The following MEIS1 variants were observed in gnomAD, a reference collection of about 807,000 sequenced individuals.
The protein encoded by MEIS1 is Meis homeobox 1, also known as homeobox protein Meis1.
Under a neutral mutation model 50.8 loss-of-function variants are expected in MEIS1, and 5 were observed. The observed-to-expected ratio is 0.10, with a 90% confidence interval of 0.05 to 0.21. The LOEUF is 0.21. Ranked by LOEUF, MEIS1 falls within the 10% of genes least tolerant of loss-of-function variation. MEIS1 has a pLI of 1.00. For synonymous variants in MEIS1, 176 were observed against 179.3 expected (o/e 0.98, Z 0.15); for missense variants, 318 against 517.3 (o/e 0.61, Z 3.74).
rs1010848726 is a variant in MEIS1, at chr2:66,490,164, C to T, written c.743-21985C>T. On this transcript the variant is annotated intron_variant, in intron 7 of 12. Transcript: ENST00000272369. Reference sequence around the variant, plus strand: ...GCAAATTCAGCGTCTACAGTTTCACCGAAGAGTGTTTGACCTATTTATTTG... The same window carrying T: ...GCAAATTCAGCGTCTACAGTTTCACTGAAGAGTGTTTGACCTATTTATTTG... 4.6e-5 allele frequency among the ~76,000 whole-genome samples: 7 copies of T among 152,184 alleles called. No individual in the cohort carries two copies. In the South Asian group the frequency reaches 8.3e-4, roughly 18 times the overall value.
intron 6 of MEIS1, among the ~76,000 whole-genome samples, chr2:66,453,227 A>G (rs1300224751): frequency 2.6e-5 from 4 of 151,976 alleles, no homozygotes; most frequent in Non-Finnish European, 4.4e-5. Flanking sequence ...ACATTGACAA[A>G]TCAATTATGT....
intron 7 of MEIS1, among the ~76,000 whole-genome samples, chr2:66,493,758 A>G (rs1021487929): frequency 1.3e-5 from 2 of 152,176 alleles, no homozygotes; most frequent in Non-Finnish European, 2.9e-5. Flanking sequence ...CACACAGCCC[A>G]CTATCGTATG....
At chr2:66,515,087 G>A (rs944594242) in intron 8 of MEIS1, among the ~76,000 whole-genome samples, 3 of 152,046 alleles carry the variant, frequency 2.0e-5, no homozygotes, top group Non-Finnish European at 2.9e-5. Context: ...AAATGGTCAC[G>A]TCATTGCTAT....
chr2:66,520,233 G>A (rs1674080171), intron 8 of MEIS1, among the ~76,000 whole-genome samples: 2 of 151,908 alleles, frequency 1.3e-5, no homozygotes, highest in Non-Finnish European at 2.9e-5. Context: ...CCAGCACTTT[G>A]GGAGGCCGAG....
chr2:66,568,640 A>T (rs761435779), intron 10 of MEIS1, 27 bp from the exon 11 acceptor site: 2 of 1,588,846 alleles, frequency 1.3e-6, no homozygotes, highest in Non-Finnish European at 1.7e-6. Context: ...GACTGTTATT[A>T]AAAAACCACA....
intron 7 of MEIS1, among the ~76,000 whole-genome samples, chr2:66,472,621 A>G (rs2103763851): frequency 6.6e-6 from 1 of 152,294 alleles, no homozygotes; most frequent in East Asian, 1.9e-4. Context: ...CATGCCAATG[A>G]CCCAGACATG....
chr2:66,448,479 C>T (rs1672202801), intron 6 of MEIS1, among the ~76,000 whole-genome samples: 1 of 152,118 alleles, frequency 6.6e-6, no homozygotes, highest in African/African-American at 2.4e-5. Context: ...CTTACCTTCC[C>T]TAGCGTACCT....
chr2:66,498,023 A>T (rs1259908733), intron 7 of MEIS1, among the ~76,000 whole-genome samples: 1 of 151,866 alleles, frequency 6.6e-6, no homozygotes, highest in Non-Finnish European at 1.5e-5. Context: ...CAATAGAAAA[A>T]AAATGGTATG....
chr2:66,501,767 C>G (rs189092874), intron 7 of MEIS1, among the ~76,000 whole-genome samples: 9 of 152,076 alleles, frequency 5.9e-5, no homozygotes, highest in Admixed American at 5.2e-4. Context: ...AACTATAAAT[C>G]TGAACACTGA....
chr2:66,462,625 T>C (rs1397069292), intron 6 of MEIS1, among the ~76,000 whole-genome samples: 1 of 152,192 alleles, frequency 6.6e-6, no homozygotes, highest in Non-Finnish European at 1.5e-5. Context: ...TTGTACAAAC[T>C]GAAAATTTAT....
chr2:66,513,850 C>T (rs1209237625), intron 8 of MEIS1, among the ~76,000 whole-genome samples: 1 of 152,154 alleles, frequency 6.6e-6, no homozygotes. Flanking sequence ...GCAAATTCCC[C>T]ACTGAGGATT....
intron 6 of MEIS1, among the ~76,000 whole-genome samples, chr2:66,460,617 C>A (rs1444639434): frequency 1.3e-5 from 2 of 152,150 alleles, no homozygotes; most frequent in Non-Finnish European, 2.9e-5. Flanking sequence ...TAGCTGCCTG[C>A]CTCCATTTAT....
rs1263486532 is a variant in MEIS1 at position 66,572,685 on chromosome 2, G to A, written c.*1477G>A. The A allele has an allele frequency of 6.6e-6, 1 of 152,076 alleles. No homozygotes were observed. The highest frequency in any genetic ancestry group is 1.5e-5 in the Non-Finnish European group (1 of 68,018). The allele number at this position is 152,076 out of a possible 1,614,324, so 9.4% of individuals were successfully genotyped here. A position where few individuals can be genotyped will look rare whatever the true frequency, so the allele number is the denominator to read the frequency against. On this transcript the variant is annotated 3_prime_UTR_variant, in exon 13 of 13. Transcript: ENST00000272369. ...GAAACAGTTTGGATTGTATAATAAC[G>A]CCAAGCCCAGTTGTAGTCGTTTGAG...
chr2:66,554,942 T>A (rs1054948082), intron 9 of MEIS1, among the ~76,000 whole-genome samples: 27 of 152,308 alleles, frequency 1.8e-4, no homozygotes, highest in African/African-American at 6.3e-4. Flanking sequence ...TTAGGATTCA[T>A]AATAAAGATA....
chr2:66,464,732 GC>G (rs1046128927), intron 7 of MEIS1, among the ~76,000 whole-genome samples: 3 of 152,098 alleles, frequency 2.0e-5, no homozygotes, highest in Non-Finnish European at 4.4e-5. Flanking sequence ...TGACTTCATT[GC>G]AAAGCCAGAC....
intron 6 of MEIS1, among the ~76,000 whole-genome samples, chr2:66,446,562 C>A (rs1401714226): frequency 2.0e-5 from 3 of 152,040 alleles, no homozygotes; most frequent in African/African-American, 7.2e-5. Flanking sequence ...CTTTGGATTA[C>A]AGTTTTTATT....
chr2:66,560,728 A>G (rs1675192837), intron 9 of MEIS1, among the ~76,000 whole-genome samples: 2 of 152,174 alleles, frequency 1.3e-5, no homozygotes, highest in Admixed American at 6.5e-5. Flanking sequence ...CATGTGGCTG[A>G]TTGATGGACT....
At chr2:66,440,454 C>T (rs943830113) in intron 3 of MEIS1, 108 bp from the exon 4 acceptor site, 31 of 940,964 alleles carry the variant, frequency 3.3e-5, no homozygotes, top group Non-Finnish European at 5.1e-5. Flanking sequence ...TTACTTCCTG[C>T]CCCCGACAGT....
chr2:66,495,965 G>T (rs1019703105), intron 7 of MEIS1: 6 of 152,368 alleles, frequency 3.9e-5, no homozygotes, highest in African/African-American at 1.4e-4. Flanking sequence ...AGTCAGGCAG[G>T]CCTACGATTG....
Sources: gnomAD v4.1 joint callset for allele counts (sites outside exome capture counted in the v4.1 genomes callset) on GRCh38, gnomAD v4.1.1 for gene constraint, MANE v1.5 for transcripts, NCBI Gene and HGNC (gene_info 2026-07-23, HGNC 2026-07-21) for gene names.